KALRN: variants seen among roughly 807,000 people sequenced by gnomAD.
KALRN encodes the protein kalirin RhoGEF kinase, also known as kalirin.
A neutral mutation model predicts 353.7 loss-of-function variants in KALRN; 70 were observed. The ratio of observed to expected loss-of-function variants is 0.20; its 90% CI spans 0.16 to 0.24. The LOEUF (loss-of-function observed/expected upper bound fraction) is 0.24. Among genes scored for constraint, KALRN ranks in the 10% least tolerant of loss-of-function variants. The probability of loss-of-function intolerance (pLI) is 1.00; values close to 1 mark genes in which losing one functional copy is unlikely to be tolerated. For missense variants in KALRN, 2,791 were observed against 3,756.7 expected, an observed-to-expected ratio of 0.74 and a Z score of 6.72; for synonymous variants, 1,391 against 1,434.8, an observed-to-expected ratio of 0.97 and a Z score of 0.69.
At chr3:124,300,920 G>C (rs1210004499) in intron 6 of KALRN, among the ~76,000 whole-genome samples, 1 of 152,168 alleles carries the variant, frequency 6.6e-6, no homozygotes, top group Admixed American at 6.5e-5. Context: ...CTTTAGTGTA[G>C]AGCAGCAAAG....
chr3:124,701,101 C>T (rs2062304187), intron 56 of KALRN, among the ~76,000 whole-genome samples: 1 of 152,210 alleles, frequency 6.6e-6, no homozygotes, highest in African/African-American at 2.4e-5. Context: ...AGGCTGCTCA[C>T]TTGCTCCAGC....
chr3:124,343,341 G>A (rs1178844197), intron 9 of KALRN, among the ~76,000 whole-genome samples: 1 of 151,958 alleles, frequency 6.6e-6, no homozygotes, highest in Non-Finnish European at 1.5e-5. Context: ...TGTATTTTTT[G>A]TAGAGACAGA....
At chr3:124,285,534 T>G (rs1362492354) in intron 5 of KALRN, among the ~76,000 whole-genome samples, 1 of 152,120 alleles carries the variant, frequency 6.6e-6, no homozygotes. Flanking sequence ...AAAATAAAAT[T>G]TTTGGTTTGT....
chr3:124,233,679 A>G (rs570532687), intron 2 of KALRN, among the ~76,000 whole-genome samples: 4 of 151,904 alleles, frequency 2.6e-5, no homozygotes, highest in Non-Finnish European at 4.4e-5. Flanking sequence ...TTATTCATGA[A>G]CTCACACTTG....
intron 11 of KALRN, among the ~76,000 whole-genome samples, chr3:124,385,758 G>A (rs532270377): frequency 6.6e-6 from 1 of 152,236 alleles, no homozygotes; most frequent in African/African-American, 2.4e-5. Flanking sequence ...GAGGATGGTT[G>A]CAAACCTATG....
intron 1 of KALRN, among the ~76,000 whole-genome samples, chr3:124,096,968 A>G (rs1456301296): frequency 2.0e-5 from 3 of 152,186 alleles, no homozygotes; most frequent in South Asian, 2.1e-4. Context: ...TTGAAAGTTT[A>G]TGTGTATTTC....
chr3:124,333,046 G>A (rs920484626), intron 8 of KALRN, among the ~76,000 whole-genome samples: 1 of 152,190 alleles, frequency 6.6e-6, no homozygotes, highest in African/African-American at 2.4e-5. Flanking sequence ...AAGAGGAGGA[G>A]GAGCAAAGTC....
intron 1 of KALRN, among the ~76,000 whole-genome samples, chr3:124,050,377 C>G: frequency 6.6e-6 from 1 of 152,160 alleles, no homozygotes; most frequent in South Asian, 2.1e-4. Flanking sequence ...GAAGACAGAA[C>G]CTCTGCACTT....
At chr3:124,139,784 G>C (rs1368029476) in intron 1 of KALRN, among the ~76,000 whole-genome samples, 1 of 152,152 alleles carries the variant, frequency 6.6e-6, no homozygotes, top group East Asian at 1.9e-4. Context: ...ACAGTTTCAG[G>C]ACTGGGTTGG....
chr3:124,403,259 A>T (rs976953735), intron 13 of KALRN, among the ~76,000 whole-genome samples: 17 of 152,202 alleles, frequency 1.1e-4, no homozygotes, highest in African/African-American at 3.9e-4. Context: ...TATTGGCTTG[A>T]TAAAATATAT....
At chr3:124,289,812 A>G (rs6793024) in intron 5 of KALRN, among the ~76,000 whole-genome samples, 30,110 of 152,128 alleles carry the variant, frequency 0.2, 3,071 homozygotes, top group South Asian at 0.29. Context: ...TAGCATTATT[A>G]TGAGGATTAT....
intron 1 of KALRN, among the ~76,000 whole-genome samples, chr3:124,199,208 C>T (rs1456948513): frequency 6.6e-6 from 1 of 152,228 alleles, no homozygotes; most frequent in African/African-American, 2.4e-5. Context: ...GTCTAGGCTT[C>T]TTCCCATTTC....
chr3:124,266,828 G>T (rs759816217), intron 4 of KALRN, among the ~76,000 whole-genome samples: 1 of 152,222 alleles, frequency 6.6e-6, no homozygotes, highest in Non-Finnish European at 1.5e-5. Context: ...CAGAACACTA[G>T]AAGTCCTGCA....
rs572105309 is a variant in KALRN, at chr3:124,357,845, G to A, written c.1770+10580G>A. Among the ~76,000 whole-genome samples, 8 of 152,312 alleles carry A rather than the reference G, an allele frequency of 5.3e-5. No homozygotes were observed. In the East Asian group the frequency reaches 1.5e-3, roughly 29 times the overall value. ...TTTTAAACCAATGCCTAGCACAGTG[G>A]TGACCCTGACATGCAATGGATACTT... On this transcript the variant is annotated intron_variant, in intron 10 of 59. Coordinates refer to ENST00000682506, the MANE Select transcript of KALRN (RefSeq NM_001388419.1).
intron 34 of KALRN, among the ~76,000 whole-genome samples, chr3:124,563,918 C>T (rs1291551574): frequency 6.6e-6 from 1 of 151,372 alleles, no homozygotes; most frequent in Admixed American, 6.6e-5. Context: ...TCACTTGAAC[C>T]CGAGAGGCTG....
At chr3:124,264,275 G>A (rs2073245682) in intron 3 of KALRN, among the ~76,000 whole-genome samples, 1 of 152,216 alleles carries the variant, frequency 6.6e-6, no homozygotes, top group African/African-American at 2.4e-5. Flanking sequence ...TATTTGCCAA[G>A]TGCTGGGAGA....
intron 15 of KALRN, among the ~76,000 whole-genome samples, chr3:124,427,104 G>A (rs930914263): frequency 6.6e-6 from 1 of 152,214 alleles, no homozygotes; most frequent in Non-Finnish European, 1.5e-5. Context: ...TTATTCTCCT[G>A]TGGAGAATAC....
At chr3:124,333,975 T>G (rs944394869) in intron 8 of KALRN, among the ~76,000 whole-genome samples, 1 of 152,218 alleles carries the variant, frequency 6.6e-6, no homozygotes, top group Non-Finnish European at 1.5e-5. Context: ...GAGCAGCAAG[T>G]AGGCAGTATC....
intron 1 of KALRN, among the ~76,000 whole-genome samples, chr3:124,088,610 T>A (rs928730241): frequency 3.3e-5 from 5 of 152,194 alleles, no homozygotes; most frequent in Non-Finnish European, 7.3e-5. Context: ...TTTTATATGC[T>A]ATTTTGTTTT....
Sources: allele counts gnomAD v4.1 joint callset (sites outside exome capture counted in the v4.1 genomes callset), GRCh38; gene constraint gnomAD v4.1.1; transcripts MANE v1.5; gene names NCBI Gene and HGNC (gene_info 2026-07-23, HGNC 2026-07-21).